The following RIMOC1 variants were observed in gnomAD, a reference collection of about 807,000 sequenced individuals.
RIMOC1 encodes RAB7A interacting MON1-CCZ1 complex subunit 1.
At chr5:41,920,902 T>C in the RIMOC1 span, 1 of 152,304 alleles carries the variant, frequency 6.6e-6, no homozygotes, top group African/African-American at 2.4e-5. Flanking sequence ...TTGGGGTTTC[T>C]CTTCGGTTTG....
At chr5:41,916,951 G>C in the RIMOC1 span, 151 of 1,391,954 alleles carry the variant, frequency 1.1e-4, no homozygotes, top group Non-Finnish European at 1.4e-4. Flanking sequence ...TTAGAGTTTA[G>C]TTAATAACTA....
At chr5:41,909,703 T>C in the RIMOC1 span, 13 of 1,408,194 alleles carry the variant, frequency 9.2e-6, no homozygotes, top group Non-Finnish European at 1.2e-5. Context: ...TTTTTTTCAA[T>C]TTTAAGTCAT....
the RIMOC1 span, among the ~76,000 whole-genome samples, chr5:41,907,084 T>C: frequency 6.6e-6 from 1 of 152,018 alleles, no homozygotes; most frequent in Non-Finnish European, 1.5e-5. Flanking sequence ...AATCAGGAGA[T>C]GGTGAAGGCG....
chr5:41,921,429 T>C, the RIMOC1 span: 5 of 151,754 alleles, frequency 3.3e-5, no homozygotes, highest in Non-Finnish European at 7.4e-5. Flanking sequence ...CACTTCCCTA[T>C]GTTCTTTTTT....
At chr5:41,912,560 A>G in the RIMOC1 span, among the ~76,000 whole-genome samples, 1 of 152,196 alleles carries the variant, frequency 6.6e-6, no homozygotes, top group Non-Finnish European at 1.5e-5. Context: ...GTGTCAGGAA[A>G]CTTACAATCA....
At chr5:41,918,502 T>C in the RIMOC1 span, 3 of 985,310 alleles carry the variant, frequency 3.0e-6, no homozygotes, top group African/African-American at 5.2e-5. Context: ...GTTATTCTTC[T>C]TTCCCTGGTC....
At chr5:41,920,153 C>A in the RIMOC1 span, 1 of 152,070 alleles carries the variant, frequency 6.6e-6, no homozygotes, top group Admixed American at 6.6e-5. Flanking sequence ...CTTCATTTTA[C>A]CTTCGTGACC....
the RIMOC1 span, among the ~76,000 whole-genome samples, chr5:41,904,870 A>G: frequency 6.6e-6 from 1 of 152,224 alleles, no homozygotes; most frequent in Non-Finnish European, 1.5e-5. Flanking sequence ...TAACAGTTCC[A>G]CTTTTTCATT....
At chr5:41,918,381 T>A in the RIMOC1 span, 1 of 985,842 alleles carries the variant, frequency 1.0e-6, no homozygotes, top group Non-Finnish European at 1.2e-6. Flanking sequence ...CAGTTCCTTC[T>A]TACCCCCTTT....
chr5:41,917,267 A>G, the RIMOC1 span: 1 of 1,611,464 alleles, frequency 6.2e-7, no homozygotes, highest in East Asian at 2.2e-5. Flanking sequence ...TGCAAAACAA[A>G]TTTTAAACTT....
At chr5:41,918,255 C>T in the RIMOC1 span, 1 of 985,878 alleles carries the variant, frequency 1.0e-6, no homozygotes. Flanking sequence ...TGAATGTCAC[C>T]ACCTTGAGTT....
At chr5:41,909,769 TGAG>T in the RIMOC1 span, 1 of 1,555,126 alleles carries the variant, frequency 6.4e-7, no homozygotes, top group Non-Finnish European at 8.6e-7. Flanking sequence ...TGACATATTT[TGAG>T]GAGAACAAGC....
the RIMOC1 span, chr5:41,918,195 T>C: frequency 1.0e-6 from 1 of 985,770 alleles, no homozygotes; most frequent in African/African-American, 1.7e-5. Context: ...CTTGGACTTC[T>C]GCCCAGTGAC....
the RIMOC1 span, chr5:41,916,456 A>G: frequency 4.1e-6 from 4 of 966,368 alleles, no homozygotes; most frequent in African/African-American, 7.0e-5. Flanking sequence ...TGGTAATACA[A>G]AGCATCTTGG....
At chr5:41,910,666 G>T in the RIMOC1 span, among the ~76,000 whole-genome samples, 1 of 151,896 alleles carries the variant, frequency 6.6e-6, no homozygotes, top group African/African-American at 2.4e-5. Context: ...ATTTTTGGGT[G>T]TAAATTTTCA....
chr5:41,918,338 C>T, the RIMOC1 span: 2 of 985,688 alleles, frequency 2.0e-6, no homozygotes, highest in Non-Finnish European at 2.4e-6. Flanking sequence ...ATTTTATTGA[C>T]TTTTCTCTCC....
chr5:41,920,400 A>G, the RIMOC1 span: 1 of 152,194 alleles, frequency 6.6e-6, no homozygotes, highest in South Asian at 2.1e-4. Context: ...CCACATAAGG[A>G]AAGTACTACA....
the RIMOC1 span, among the ~76,000 whole-genome samples, chr5:41,907,002 A>G: frequency 6.6e-6 from 1 of 152,182 alleles, no homozygotes; most frequent in African/African-American, 2.4e-5. Context: ...TAGTACCTTG[A>G]AGTGGACACA....
At chr5:41,911,834 A>G in the RIMOC1 span, among the ~76,000 whole-genome samples, 1 of 151,982 alleles carries the variant, frequency 6.6e-6, no homozygotes, top group Non-Finnish European at 1.5e-5. Context: ...TTTCTGGTTA[A>G]TGTCTTCTTT....
Sources: gnomAD v4.1 joint callset for allele counts (sites outside exome capture counted in the v4.1 genomes callset) on GRCh38, gnomAD v4.1.1 for gene constraint, MANE v1.5 for transcripts, NCBI Gene and HGNC (gene_info 2026-07-23, HGNC 2026-07-21) for gene names.